FAM240B: variants seen among roughly 807,000 people sequenced by gnomAD.
FAM240B encodes protein FAM240B.
At chr9:38,707,152 T>C (rs577394824) in intron 1 of FAM240B, among the ~76,000 whole-genome samples, 15 of 152,238 alleles carry the variant, frequency 9.9e-5, no homozygotes, top group Admixed American at 7.9e-4. Context: ...AGATTGCAAG[T>C]TCATATTGGG....
At chr9:38,716,387 G>C (rs1171427848) in intron 1 of FAM240B, among the ~76,000 whole-genome samples, 1 of 152,144 alleles carries the variant, frequency 6.6e-6, no homozygotes, top group Non-Finnish European at 1.5e-5. Context: ...CAGGAGAATC[G>C]CTTGAACTGG....
At chr9:38,707,581 A>G (rs1265022741) in intron 1 of FAM240B, among the ~76,000 whole-genome samples, 2 of 151,318 alleles carry the variant, frequency 1.3e-5, no homozygotes, top group Non-Finnish European at 1.5e-5. Context: ...ATCCTGGCTT[A>G]CACGATGAAA....
rs74926339 is a variant in FAM240B at position 38,712,520 on chromosome 9, A to G, written c.-4+7502T>C. On this transcript the variant is annotated intron_variant, in intron 1 of 2. Coordinates refer to ENST00000637493, the MANE Select transcript of FAM240B (RefSeq NM_001394922.1). ...TCAGCATATTATGCTAGATTTTACT[A>G]TTCCTGTATTCGTGAGCGAGAAAGT... 7.2e-3 allele frequency among the ~76,000 whole-genome samples: 1,099 copies of G among 152,276 alleles called. 18 individuals are homozygous for G. Among genetic ancestry groups the G allele is most frequent in the African/African-American group, 0.025 (1,055 of 41,554 alleles).
At chr9:38,714,355 A>T (rs1182842994) in intron 1 of FAM240B, among the ~76,000 whole-genome samples, 1 of 152,216 alleles carries the variant, frequency 6.6e-6, no homozygotes, top group South Asian at 2.1e-4. Flanking sequence ...TTAAGGAGGA[A>T]CACAATGCTT....
chr9:38,710,463 T>G (rs1227751967), intron 1 of FAM240B, among the ~76,000 whole-genome samples: 1 of 152,224 alleles, frequency 6.6e-6, no homozygotes, highest in African/African-American at 2.4e-5. Context: ...TAATAAACAC[T>G]TAGGAATATT....
intron 1 of FAM240B, among the ~76,000 whole-genome samples, chr9:38,712,916 T>G (rs1300618552): frequency 6.6e-6 from 1 of 152,150 alleles, no homozygotes; most frequent in Non-Finnish European, 1.5e-5. Flanking sequence ...GCCACTTCCC[T>G]CCTTCATTTA....
At chr9:38,697,923 T>A (rs55925753) in intron 2 of FAM240B, among the ~76,000 whole-genome samples, 44 of 152,394 alleles carry the variant, frequency 2.9e-4, no homozygotes, top group African/African-American at 1.0e-3. Context: ...TTGTCTCAAC[T>A]AAGGTTTGGC....
At chr9:38,719,022 A>G (rs1028871689) in intron 1 of FAM240B, among the ~76,000 whole-genome samples, 1 of 152,148 alleles carries the variant, frequency 6.6e-6, no homozygotes, top group African/African-American at 2.4e-5. Flanking sequence ...AGGTTCATTG[A>G]GGTCCATCTG....
intron 1 of FAM240B, among the ~76,000 whole-genome samples, chr9:38,711,293 A>G (rs2119011002): frequency 6.6e-6 from 1 of 152,330 alleles, no homozygotes; most frequent in Middle Eastern, 3.4e-3. Context: ...CCTCACATGG[A>G]GATTCTGCTT....
At chr9:38,703,785 C>T in intron 2 of FAM240B, 72 bp downstream of exon 2, 1 of 398,516 alleles carries the variant, frequency 2.5e-6, no homozygotes. Flanking sequence ...AATTCCCTAC[C>T]TGAGTCTTCA....
At chr9:38,715,077 G>A (rs996554713) in intron 1 of FAM240B, among the ~76,000 whole-genome samples, 1 of 152,120 alleles carries the variant, frequency 6.6e-6, no homozygotes, top group Admixed American at 6.5e-5. Context: ...GAATTATTTT[G>A]AAATAAAAAG....
chr9:38,710,295 C>T (rs1821239742), intron 1 of FAM240B, among the ~76,000 whole-genome samples: 1 of 152,172 alleles, frequency 6.6e-6, no homozygotes, highest in South Asian at 2.1e-4. Context: ...TCCCTCTAAA[C>T]CTGAGATTCT....
intron 1 of FAM240B, among the ~76,000 whole-genome samples, chr9:38,707,486 G>C (rs908872973): frequency 6.6e-6 from 1 of 151,922 alleles, no homozygotes; most frequent in Non-Finnish European, 1.5e-5. Flanking sequence ...GGGTGAACCT[G>C]GGCCAGACGT....
intron 1 of FAM240B, chr9:38,705,467 T>G (rs2119005409): frequency 6.6e-6 from 1 of 152,332 alleles, no homozygotes; most frequent in South Asian, 2.1e-4. Flanking sequence ...CGGGCCCCTG[T>G]TGTCCCAGCT....
intron 1 of FAM240B, among the ~76,000 whole-genome samples, chr9:38,713,804 C>G (rs899923491): frequency 2.6e-5 from 4 of 152,184 alleles, no homozygotes; most frequent in African/African-American, 9.7e-5. Flanking sequence ...ATAGGTGCAT[C>G]TGGCTGATGC....
At chr9:38,714,807 A>G (rs1310147504) in intron 1 of FAM240B, among the ~76,000 whole-genome samples, 3 of 152,264 alleles carry the variant, frequency 2.0e-5, no homozygotes, top group Non-Finnish European at 4.4e-5. Flanking sequence ...TTGGAGGAGA[A>G]TAAGGAGATA....
chr9:38,697,820 G>C (rs1441778112), intron 2 of FAM240B, among the ~76,000 whole-genome samples: 1 of 152,156 alleles, frequency 6.6e-6, no homozygotes, highest in Non-Finnish European at 1.5e-5. Context: ...ACATCTCATT[G>C]GTAGCTTGAA....
chr9:38,713,985 C>A (rs991248116), intron 1 of FAM240B, among the ~76,000 whole-genome samples: 3 of 152,156 alleles, frequency 2.0e-5, no homozygotes, highest in African/African-American at 4.8e-5. Flanking sequence ...GAGCCCCAAT[C>A]TCTGTAAATA....
intron 1 of FAM240B, among the ~76,000 whole-genome samples, chr9:38,715,570 T>A (rs1327160628): frequency 6.6e-6 from 1 of 152,158 alleles, no homozygotes; most frequent in Non-Finnish European, 1.5e-5. Context: ...AAGCAACTAT[T>A]GCCCATGGGG....
Sources: allele counts gnomAD v4.1 joint callset (sites outside exome capture counted in the v4.1 genomes callset), GRCh38; gene constraint gnomAD v4.1.1; transcripts MANE v1.5; gene names NCBI Gene and HGNC (gene_info 2026-07-23, HGNC 2026-07-21).